MINAR1: variants seen among roughly 807,000 people sequenced by gnomAD.
MINAR1 encodes the protein major intrinsically disordered Notch2-binding receptor 1.
In MINAR1, 40 loss-of-function variants were observed where a neutral mutation model predicts 65.1. The ratio of observed to expected loss-of-function variants is 0.61; its 90% CI spans 0.48 to 0.80. The LOEUF (loss-of-function observed/expected upper bound fraction) is 0.80. Ranked by LOEUF, MINAR1 falls within the 30% of genes least tolerant of loss-of-function variation. The probability of loss-of-function intolerance (pLI) is 0.00; values close to 1 mark genes in which losing one functional copy is unlikely to be tolerated. For synonymous variants in MINAR1, 482 were observed against 449.1 expected (o/e 1.07, Z -0.93); for missense variants, 1,128 against 1,148.0 (o/e 0.98, Z 0.25).
At chr15:79,420,611 G>C in the MINAR1 span, 1 of 152,152 alleles carries the variant, frequency 6.6e-6, no homozygotes, top group Non-Finnish European at 1.5e-5. Flanking sequence ...GTGACTTCCT[G>C]AGAATTGAAA....
Position 79,463,268 on chromosome 15 carries a change from G to T in MINAR1, c.2500G>T (p.Glu834Ter), listed in dbSNP as rs2141303068. The T allele has an allele frequency of 1.2e-6, 2 of 1,613,386 alleles. No homozygotes were observed. Among genetic ancestry groups the T allele is most frequent in the African/African-American group, 2.7e-5 (2 of 74,302 alleles). Residue 834 changes from glutamate to a stop codon, truncating the protein, a stop_gained, in exon 3 of 4, where the codon GAG becomes TAG. Coordinates refer to ENST00000305428, the MANE Select transcript of MINAR1 (RefSeq NM_015206.3). LOFTEE classifies it high-confidence loss of function. ...KRGQPSWTIE[E>*]YARNAGDKGK... ...GGGCCAACCTTCTTGGACCATTGAG[G>T]AGTATGCACGGAATGCGGGCGACAA...
intron 1 of MINAR1, among the ~76,000 whole-genome samples, chr15:79,446,714 A>C (rs1027142064): frequency 6.6e-6 from 1 of 152,132 alleles, no homozygotes; most frequent in Non-Finnish European, 1.5e-5. Flanking sequence ...TCACTCCTTG[A>C]GTTAGAAGAT....
chr15:79,457,935 G>T lies in MINAR1; in HGVS notation c.1788G>T (p.Val596=), dbSNP rs1300953071. The T allele has an allele frequency of 6.2e-7, 1 of 1,614,108 alleles. No homozygotes were observed. The highest frequency in any genetic ancestry group is 1.7e-5 in the Admixed American group (1 of 60,010). The change falls in exon 2 of 4, where the codon GTG becomes GTT. Residue 596 remains valine (V), a synonymous_variant. Transcript: ENST00000305428. ...HHSEEELKTS[V]CKLVLRIGEI... is the part of the protein sequence containing the mutation. Reference sequence around the variant, plus strand: ...CGGAAGAAGAGCTGAAGACCAGTGTGTGCAAACTGGTGCTCAGGATTGGCG... The same window carrying T: ...CGGAAGAAGAGCTGAAGACCAGTGTTTGCAAACTGGTGCTCAGGATTGGCG...
chr15:79,455,355 C>A (rs192499987), intron 1 of MINAR1, among the ~76,000 whole-genome samples: 5 of 152,018 alleles, frequency 3.3e-5, no homozygotes, highest in African/African-American at 4.8e-5. Flanking sequence ...AATATTATAT[C>A]ATAGTTTTGT....
At chr15:79,440,206 A>G (rs772751019) in intron 1 of MINAR1, among the ~76,000 whole-genome samples, 33 of 152,128 alleles carry the variant, frequency 2.2e-4, no homozygotes, top group Non-Finnish European at 4.3e-4. Context: ...GAGGCCAGAG[A>G]CTTGCTTTAT....
At chr15:79,437,732 T>G (rs1395159446) in intron 1 of MINAR1, among the ~76,000 whole-genome samples, 1 of 20,548 alleles carries the variant, frequency 4.9e-5, no homozygotes, top group Non-Finnish European at 1.0e-4. Flanking sequence ...AGTGAGTGTG[T>G]GGGGTGTGGG....
chr15:79,468,658 A>G lies in MINAR1; in HGVS notation c.*274A>G, dbSNP rs76205574. Reference sequence around the variant, plus strand: ...ACATCATGGACTATCAATAAATACAAATTGAATATTCCAAGCCAAAAAAGG... The same window carrying G: ...ACATCATGGACTATCAATAAATACAGATTGAATATTCCAAGCCAAAAAAGG... On this transcript the variant is annotated 3_prime_UTR_variant, in exon 4 of 4. Transcript: ENST00000305428. The G allele has an allele frequency of 0.022, 9,266 of 422,422 alleles. 697 individuals are homozygous for G. Among genetic ancestry groups the G allele is most frequent in the African/African-American group, 0.17 (8,384 of 50,422 alleles). 26.2% of individuals were successfully genotyped at this position (422,422 alleles called of 1,614,324 possible). A position where few individuals can be genotyped will look rare whatever the true frequency, so the allele number is the denominator to read the frequency against.
At chr15:79,421,844 C>G in the MINAR1 span, 5 of 152,070 alleles carry the variant, frequency 3.3e-5, no homozygotes, top group Non-Finnish European at 7.3e-5. Flanking sequence ...GGCCAAAACC[C>G]GGAAATGCCT....
chr15:79,447,331 T>C (rs1191616898), intron 1 of MINAR1, among the ~76,000 whole-genome samples: 2 of 152,222 alleles, frequency 1.3e-5, no homozygotes, highest in Non-Finnish European at 2.9e-5. Context: ...TAATGATTCT[T>C]TTTCTATTAG....
chr15:79,457,182 G>T lies in MINAR1; in HGVS notation c.1035G>T (p.Val345=), dbSNP rs1297176282. The T allele has an allele frequency of 4.3e-6, 7 of 1,614,048 alleles. No individual in the cohort carries two copies. The highest frequency in any genetic ancestry group is 5.1e-6 in the Non-Finnish European group (6 of 1,180,036). ...CTACATATTTTGGGCCCACTCCCGT[G>T]ATGGGAACCCAAGAAGCCAGGCGCT... The part of the protein sequence containing the change: ...QASTYFGPTP[V]MGTQEARRCL... Residue 345 remains valine (V), a synonymous_variant, in exon 2 of 4, where the codon GTG becomes GTT. Transcript: ENST00000305428.
chr15:79,460,536 C>T (rs901307671), intron 2 of MINAR1, among the ~76,000 whole-genome samples: 2 of 151,894 alleles, frequency 1.3e-5, no homozygotes, highest in African/African-American at 4.8e-5. Context: ...TCTTTTGCAA[C>T]TCTGCCTTCT....
chr15:79,423,287 T>C, the MINAR1 span: 1 of 152,190 alleles, frequency 6.6e-6, no homozygotes, highest in Non-Finnish European at 1.5e-5. Context: ...TGTAAGATAA[T>C]GTGTATAGAA....
chr15:79,431,373 C>T (rs576242683), upstream of MINAR1, among the ~76,000 whole-genome samples: 3 of 152,310 alleles, frequency 2.0e-5, no homozygotes, highest in Non-Finnish European at 4.4e-5. Flanking sequence ...GAGGCAGCTG[C>T]TGTGTTTCGG....
chr15:79,465,195 C>A (rs542559700), intron 3 of MINAR1, among the ~76,000 whole-genome samples: 2 of 152,256 alleles, frequency 1.3e-5, no homozygotes, highest in South Asian at 2.1e-4. Flanking sequence ...GTTCAATAGC[C>A]GTGTGAGGGT....
intron 3 of MINAR1, chr15:79,463,839 G>A: frequency 2.3e-6 from 1 of 442,044 alleles, no homozygotes; most frequent in South Asian, 1.6e-5. Context: ...AAGCAGGGCT[G>A]GGTTTTGGCC....
chr15:79,420,362 T>A, the MINAR1 span: 1 of 152,200 alleles, frequency 6.6e-6, no homozygotes, highest in South Asian at 2.1e-4. Flanking sequence ...ACCAGTATTT[T>A]AAAAAATGTC....
intron 3 of MINAR1, among the ~76,000 whole-genome samples, chr15:79,467,107 G>A (rs1895892821): frequency 1.3e-5 from 2 of 152,190 alleles, no homozygotes; most frequent in South Asian, 4.1e-4. Flanking sequence ...AGAAGGTCAG[G>A]CAGAGAATTA....
intron 3 of MINAR1, among the ~76,000 whole-genome samples, chr15:79,463,942 T>C (rs1186367589): frequency 6.6e-6 from 1 of 152,242 alleles, no homozygotes; most frequent in African/African-American, 2.4e-5. Flanking sequence ...GGAAGCACCC[T>C]GTCCCCCTAC....
intron 2 of MINAR1, among the ~76,000 whole-genome samples, chr15:79,462,640 A>G (rs1895689029): frequency 6.6e-6 from 1 of 152,184 alleles, no homozygotes; most frequent in Admixed American, 6.5e-5. Context: ...TACCCCGTGC[A>G]AAATGGTGAA....
Sources: gnomAD v4.1 joint callset for allele counts (sites outside exome capture counted in the v4.1 genomes callset) on GRCh38, gnomAD v4.1.1 for gene constraint, MANE v1.5 for transcripts, NCBI Gene and HGNC (gene_info 2026-07-23, HGNC 2026-07-21) for gene names.